GABRA3: variants seen among roughly 807,000 people sequenced by gnomAD.
GABRA3 encodes gamma-aminobutyric acid type A receptor subunit alpha3.
In GABRA3, 10 loss-of-function variants were observed where a neutral mutation model predicts 30.1. That is an observed-to-expected ratio of 0.33 (90% CI 0.20 to 0.56). The LOEUF (loss-of-function observed/expected upper bound fraction) is 0.56. Among genes scored for constraint, GABRA3 ranks in the 20% least tolerant of loss-of-function variants. GABRA3 has a pLI of 0.89. For missense variants in GABRA3, 233 were observed against 392.0 expected (o/e 0.59, Z 3.42); for synonymous variants, 151 against 146.8 (o/e 1.03, Z -0.21).
At chrX:152,285,375 G>A (rs1206196592) in intron 3 of GABRA3, among the ~76,000 whole-genome samples, 3 of 111,491 alleles carry the variant, frequency 2.7e-5, no homozygotes, top group Non-Finnish European at 5.6e-5. Flanking sequence ...TTTTGGGGGG[G>A]TTAATTGTCC....
chrX:152,227,095 T>C (rs1235545638), intron 5 of GABRA3, among the ~76,000 whole-genome samples: 4 of 109,843 alleles, frequency 3.6e-5, no homozygotes, highest in Admixed American at 2.9e-4. Context: ...ATGTTTATTG[T>C]GGCACTATTC....
chrX:152,414,901 T>A (rs1338539964), intron 1 of GABRA3, among the ~76,000 whole-genome samples: 1 of 102,592 alleles, frequency 9.7e-6, no homozygotes, highest in African/African-American at 3.6e-5. Flanking sequence ...TGTATATTGC[T>A]AAGTGAAAGA....
At chrX:152,299,045 G>A (rs1422476716) in intron 3 of GABRA3, among the ~76,000 whole-genome samples, 1 of 111,697 alleles carries the variant, frequency 9.0e-6, no homozygotes, top group Non-Finnish European at 1.9e-5. Flanking sequence ...AGAAGTGTTT[G>A]GAACATCCAG....
intron 1 of GABRA3, among the ~76,000 whole-genome samples, chrX:152,387,415 A>C (rs1471036497): frequency 8.9e-6 from 1 of 111,905 alleles, no homozygotes; most frequent in Non-Finnish European, 1.9e-5. Flanking sequence ...AGTAAGATTA[A>C]GGATAGTGGA....
At chrX:152,305,724 G>A (rs1276112407) in intron 3 of GABRA3, among the ~76,000 whole-genome samples, 1 of 110,896 alleles carries the variant, frequency 9.0e-6, no homozygotes, top group African/African-American at 3.3e-5. Flanking sequence ...ACTATATTGT[G>A]CATGTTATAT....
chrX:152,356,621 T>C (rs1466904944), intron 2 of GABRA3, among the ~76,000 whole-genome samples: 2 of 111,643 alleles, frequency 1.8e-5, no homozygotes, highest in Admixed American at 1.9e-4. Context: ...GGTTAGGGGA[T>C]ACATGTGCAG....
At chrX:152,420,940 C>G (rs1036830977) in intron 1 of GABRA3, among the ~76,000 whole-genome samples, 1 of 110,390 alleles carries the variant, frequency 9.1e-6, no homozygotes, top group African/African-American at 3.3e-5. Flanking sequence ...GTGCCTGCTT[C>G]TCCTTTACCT....
At chrX:152,394,512 G>A (rs1442021836) in intron 1 of GABRA3, 4 of 385,391 alleles carry the variant, frequency 1.0e-5, no homozygotes, top group Admixed American at 1.0e-4. Flanking sequence ...TCTGCAACAT[G>A]AGCTGATACC....
intron 3 of GABRA3, among the ~76,000 whole-genome samples, chrX:152,320,967 AT>A (rs1183511292): frequency 1.8e-5 from 2 of 110,591 alleles, no homozygotes; most frequent in Non-Finnish European, 1.9e-5. Context: ...AACAAAAAAC[AT>A]TTTTTTCTCT....
chrX:152,256,059 C>G, intron 4 of GABRA3, 61 bp from the exon 5 acceptor site: 1 of 847,440 alleles, frequency 1.2e-6, no homozygotes, highest in South Asian at 2.1e-5. Context: ...CTCATAGTGC[C>G]CTTAGCAAAT....
chrX:152,338,728 G>A (rs956803640), intron 3 of GABRA3, among the ~76,000 whole-genome samples: 16 of 112,088 alleles, frequency 1.4e-4, no homozygotes, highest in Non-Finnish European at 1.7e-4. Flanking sequence ...GATAGGGGTT[G>A]AGTTTCATTC....
rs931062214 is a variant in GABRA3, at chrX:152,325,785, C to T, written c.262+19796G>A. 1.3e-4 allele frequency among the ~76,000 whole-genome samples: 15 copies of T among 111,506 alleles called. No individual in the cohort carries two copies. The South Asian group carries it at 2.6e-3, about 20-fold the overall frequency. On this transcript the variant is annotated intron_variant, in intron 3 of 9. Transcript: ENST00000370314. ...AAGCTGAAAATTCTAAAAATCAGAGCGCCTCTTCTCCTCCAAAGGAACGCA... is the reference window on the plus strand; with the variant it reads ...AAGCTGAAAATTCTAAAAATCAGAGTGCCTCTTCTCCTCCAAAGGAACGCA...
At chrX:152,319,071 C>A (rs1436148086) in intron 3 of GABRA3, among the ~76,000 whole-genome samples, 2 of 110,890 alleles carry the variant, frequency 1.8e-5, no homozygotes, top group African/African-American at 6.5e-5. Context: ...TGATCATATG[C>A]CAAGAAGACT....
chrX:152,385,603 C>A (rs1447924704), intron 1 of GABRA3, among the ~76,000 whole-genome samples: 1 of 111,774 alleles, frequency 8.9e-6, no homozygotes, highest in Non-Finnish European at 1.9e-5. Context: ...GTAATTAGAT[C>A]CCATTTGTCA....
chrX:152,179,467 C>A (rs1937116477), intron 9 of GABRA3, among the ~76,000 whole-genome samples: 1 of 109,916 alleles, frequency 9.1e-6, no homozygotes, highest in East Asian at 2.8e-4. Flanking sequence ...CAGTAACCAC[C>A]ATTCTACCCT....
At chrX:152,199,980 C>G (rs926834752) in intron 7 of GABRA3, among the ~76,000 whole-genome samples, 3 of 111,845 alleles carry the variant, frequency 2.7e-5, no homozygotes, top group African/African-American at 9.8e-5. Flanking sequence ...TCATGTCTCA[C>G]CTAGAGTACT....
intron 1 of GABRA3, among the ~76,000 whole-genome samples, chrX:152,409,407 A>G (rs1448810436): frequency 9.0e-6 from 1 of 111,466 alleles, no homozygotes; most frequent in East Asian, 2.8e-4. Flanking sequence ...AAGATATGAA[A>G]CTATAAAACT....
chrX:152,378,044 C>A (rs1294916326), intron 1 of GABRA3, among the ~76,000 whole-genome samples: 1 of 112,152 alleles, frequency 8.9e-6, no homozygotes, highest in Non-Finnish European at 1.9e-5. Context: ...AATGTTTGAT[C>A]CAATAAATCT....
chrX:152,311,278 C>A (rs749441757), intron 3 of GABRA3, among the ~76,000 whole-genome samples: 7 of 111,387 alleles, frequency 6.3e-5, no homozygotes, highest in African/African-American at 9.8e-5. Context: ...CAGCCAATAT[C>A]CCTGATAAAC....
Sources: allele counts gnomAD v4.1 joint callset (sites outside exome capture counted in the v4.1 genomes callset), GRCh38; gene constraint gnomAD v4.1.1; transcripts MANE v1.5; gene names NCBI Gene and HGNC (gene_info 2026-07-23, HGNC 2026-07-21).